Variants in HS3ST4 observed in about 807,000 individuals in gnomAD.
HS3ST4 encodes heparan sulfate glucosamine 3-O-sulfotransferase 4.
HS3ST4 carries 17 observed loss-of-function variants against 29.2 expected under a neutral mutation model. The observed-to-expected ratio is 0.58, with a 90% CI of 0.40 to 0.87. The LOEUF (loss-of-function observed/expected upper bound fraction) is 0.87. HS3ST4 is among the 40% of genes least tolerant of loss of function. HS3ST4 has a pLI of 0.00. For synonymous variants in HS3ST4, 314 were observed against 285.7 expected (o/e 1.10, Z -1.00); for missense variants, 627 against 634.5 (o/e 0.99, Z 0.13).
intron 1 of HS3ST4, among the ~76,000 whole-genome samples, chr16:25,753,412 G>C (rs1966734098): frequency 6.6e-6 from 1 of 152,172 alleles, no homozygotes; most frequent in African/African-American, 2.4e-5. Flanking sequence ...GTGATTGATG[G>C]CCAGAATGGC....
intron 1 of HS3ST4, among the ~76,000 whole-genome samples, chr16:25,772,273 TTC>T (rs1966843478): frequency 6.6e-6 from 1 of 152,224 alleles, no homozygotes; most frequent in Non-Finnish European, 1.5e-5. Flanking sequence ...GAAGAAAGTC[TTC>T]TCTGTTTGTT....
intron 1 of HS3ST4, among the ~76,000 whole-genome samples, chr16:26,093,500 A>G (rs1427104079): frequency 1.3e-5 from 2 of 152,216 alleles, no homozygotes. Flanking sequence ...GCAAACCCCA[A>G]CAGACCTGCA....
intron 1 of HS3ST4, among the ~76,000 whole-genome samples, chr16:26,130,801 C>G (rs1209604314): frequency 6.6e-6 from 1 of 152,184 alleles, no homozygotes; most frequent in African/African-American, 2.4e-5. Context: ...TCTCCCTACT[C>G]CCTGGCAGGT....
chr16:25,864,014 C>CGCCTCTTT (rs1172934225), intron 1 of HS3ST4, among the ~76,000 whole-genome samples: 1 of 75,520 alleles, frequency 1.3e-5, no homozygotes, highest in Non-Finnish European at 3.7e-5. Context: ...TGCTGCCTGC[C>CGCCTCTTT]GCCTCTTCGC....
chr16:26,101,343 C>G (rs1032006911), intron 1 of HS3ST4, among the ~76,000 whole-genome samples: 2 of 152,206 alleles, frequency 1.3e-5, no homozygotes, highest in Non-Finnish European at 2.9e-5. Context: ...TCTGTCATCT[C>G]CATGTCTACT....
chr16:26,114,461 G>C (rs923596711), intron 1 of HS3ST4, among the ~76,000 whole-genome samples: 1 of 152,208 alleles, frequency 6.6e-6, no homozygotes. Context: ...AAGTCATGGG[G>C]TTAATGGGGT....
At chr16:25,769,328 A>G (rs1966839159) in intron 1 of HS3ST4, among the ~76,000 whole-genome samples, 1 of 151,928 alleles carries the variant, frequency 6.6e-6, no homozygotes, top group African/African-American at 2.4e-5. Flanking sequence ...TCACCTCTTC[A>G]TCCCTCTCTC....
Position 25,837,715 on chromosome 16 carries a change from T to TA in HS3ST4, c.734+144574dup, listed in dbSNP as rs1271050337. Among the ~76,000 whole-genome samples the TA allele has an allele frequency of 9.8e-3, 1,479 of 150,488 alleles. 28 individuals carry two copies. Among genetic ancestry groups the TA allele is most frequent in the African/African-American group, 0.033 (1,362 of 41,166 alleles). On this transcript the variant is annotated intron_variant, in intron 1 of 1. Transcript: ENST00000331351. ...AAATGCACTGACAGGTCTCACTCTT[T>TA]AAAAAAAAAATCCTGTTGCATATTA...
intron 1 of HS3ST4, among the ~76,000 whole-genome samples, chr16:25,966,060 A>T (rs1222344160): frequency 6.6e-6 from 1 of 152,198 alleles, no homozygotes; most frequent in East Asian, 1.9e-4. Flanking sequence ...ATACCATATC[A>T]TGACACTATT....
chr16:25,771,563 T>G (rs759367684), intron 1 of HS3ST4, among the ~76,000 whole-genome samples: 1 of 152,110 alleles, frequency 6.6e-6, no homozygotes, highest in Non-Finnish European at 1.5e-5. Flanking sequence ...ATGGGAAGCC[T>G]TCCTTATCTT....
Position 25,748,002 on chromosome 16 carries a change from T to A in HS3ST4, c.734+54851T>A, listed in dbSNP as rs139182039. ...AGGGATTAAATATCTCTGTTACCAA[T>A]AGAAGTCGCTGAAGCTGCAGTTGGT... is the stretch of plus-strand genomic sequence containing the variant. On this transcript the variant is annotated intron_variant, in intron 1 of 1. Coordinates refer to ENST00000331351, the MANE Select transcript of HS3ST4 (RefSeq NM_006040.3). Among the ~76,000 whole-genome samples the A allele has an allele frequency of 2.6e-5, 4 of 152,240 alleles. No homozygotes were observed. The East Asian group carries it at 7.7e-4, about 29-fold the overall frequency.
At chr16:25,808,831 A>G (rs565462180) in intron 1 of HS3ST4, among the ~76,000 whole-genome samples, 6 of 131,810 alleles carry the variant, frequency 4.6e-5, no homozygotes, top group South Asian at 2.3e-4. Flanking sequence ...TACTATACCT[A>G]TTAAGCTTAT....
At chr16:25,795,565 T>C (rs1375119506) in intron 1 of HS3ST4, among the ~76,000 whole-genome samples, 1 of 152,206 alleles carries the variant, frequency 6.6e-6, no homozygotes, top group Non-Finnish European at 1.5e-5. Flanking sequence ...GAGTCAATCG[T>C]GAGTCTCTTT....
intron 1 of HS3ST4, among the ~76,000 whole-genome samples, chr16:25,868,487 A>G (rs1022538807): frequency 7.9e-5 from 12 of 152,130 alleles, no homozygotes; most frequent in African/African-American, 2.7e-4. Context: ...ACAGAGCAAC[A>G]GCCTGCTAGA....
chr16:25,701,414 A>C (rs535372731), intron 1 of HS3ST4, among the ~76,000 whole-genome samples: 79 of 152,048 alleles, frequency 5.2e-4, no homozygotes, highest in Non-Finnish European at 9.4e-4. Context: ...TTACGGGGAA[A>C]CTGTTCCATG....
At chr16:25,846,850 G>A (rs536499490) in intron 1 of HS3ST4, among the ~76,000 whole-genome samples, 16 of 152,122 alleles carry the variant, frequency 1.1e-4, no homozygotes, top group Middle Eastern at 3.4e-3. Flanking sequence ...CAAGTTTTCC[G>A]CATGTGCACT....
intron 1 of HS3ST4, among the ~76,000 whole-genome samples, chr16:25,873,361 C>T (rs7500921): frequency 0.28 from 37,241 of 132,138 alleles, 5,525 homozygotes; most frequent in Non-Finnish European, 0.36. Context: ...CATCCATCCA[C>T]CTAGCAAGCC....
chr16:25,937,226 G>A (rs1256020216), intron 1 of HS3ST4, among the ~76,000 whole-genome samples: 1 of 152,110 alleles, frequency 6.6e-6, no homozygotes, highest in Non-Finnish European at 1.5e-5. Context: ...TAACTGTGGG[G>A]TGAGTTAATG....
intron 1 of HS3ST4, among the ~76,000 whole-genome samples, chr16:25,799,479 A>T (rs1966910677): frequency 6.6e-6 from 1 of 152,228 alleles, no homozygotes. Flanking sequence ...TTTATGACCC[A>T]GTTGTTAATG....
Sources: allele counts gnomAD v4.1 joint callset (sites outside exome capture counted in the v4.1 genomes callset), GRCh38; gene constraint gnomAD v4.1.1; transcripts MANE v1.5; gene names NCBI Gene and HGNC (gene_info 2026-07-23, HGNC 2026-07-21).